The following KICS2 variants were observed in gnomAD, a reference collection of about 807,000 sequenced individuals.
KICS2 encodes KICSTOR complex protein C12orf66.
In KICS2, 13 loss-of-function variants were observed where a neutral mutation model predicts 31.4. The ratio of observed to expected loss-of-function variants is 0.41; its 90% CI spans 0.27 to 0.66. KICS2 has a LOEUF of 0.66. KICS2 is among the 30% of genes least tolerant of loss of function. The pLI, the probability that KICS2 is intolerant of heterozygous loss-of-function variation, is 0.28. For synonymous variants in KICS2, 209 were observed against 214.8 expected, an observed-to-expected ratio of 0.97 and a Z score of 0.24; for missense variants, 455 against 545.4, an observed-to-expected ratio of 0.83 and a Z score of 1.65.
rs992611026 is a variant in KICS2 at position 64,192,122 on chromosome 12, T to C, written c.*1720A>G. ...AAATAGGCCAGTAGATTCTTGGTTC[T>C]TCTTCTTCTTTTTTTTTTTTTGAGA... is the stretch of plus-strand genomic sequence containing the variant. On this transcript the variant is annotated 3_prime_UTR_variant, in exon 3 of 3. Transcript: ENST00000398055. 5.4e-5 allele frequency: 8 copies of C among 147,586 alleles called. No individual in the cohort carries two copies. Among genetic ancestry groups the C allele is most frequent in the African/African-American group, 2.1e-4 (8 of 38,234 alleles). The allele number at this position is 147,586 out of a possible 1,614,324, so 9.1% of individuals were successfully genotyped here.
At chr12:64,203,524 T>G (rs2037509673) in intron 2 of KICS2, among the ~76,000 whole-genome samples, 2 of 152,208 alleles carry the variant, frequency 1.3e-5, no homozygotes, top group African/African-American at 4.8e-5. Context: ...GAGCATATTA[T>G]ATGTTCCAGG....
chr12:64,210,876 C>A (rs2037576826), intron 2 of KICS2, among the ~76,000 whole-genome samples: 1 of 152,200 alleles, frequency 6.6e-6, no homozygotes, highest in Non-Finnish European at 1.5e-5. Flanking sequence ...TATGCACACA[C>A]ACATCAGTAA....
At chr12:64,187,682 A>T (rs1346869249), downstream of KICS2, 1 of 1,527,696 alleles carries the variant, frequency 6.5e-7, no homozygotes, top group African/African-American at 1.4e-5. Flanking sequence ...GGAATTGCTA[A>T]ATTAAATTAA....
At chr12:64,190,548 T>C (rs897912801), downstream of KICS2, among the ~76,000 whole-genome samples, 11 of 152,136 alleles carry the variant, frequency 7.2e-5, no homozygotes, top group Non-Finnish European at 1.3e-4. Flanking sequence ...GAGGATCACT[T>C]GAGCCCAGGA....
chr12:64,218,012 C>T (rs1480786406), intron 1 of KICS2, among the ~76,000 whole-genome samples: 2 of 152,158 alleles, frequency 1.3e-5, no homozygotes, highest in African/African-American at 4.8e-5. Context: ...GCATGTGGCC[C>T]GCAGGCCACA....
chr12:64,201,605 TAA>T (rs531373424), intron 2 of KICS2, among the ~76,000 whole-genome samples: 7 of 115,652 alleles, frequency 6.1e-5, no homozygotes, highest in Non-Finnish European at 1.0e-4. Flanking sequence ...TAAAGTATAA[TAA>T]AAAAAAAAAA....
intron 2 of KICS2, among the ~76,000 whole-genome samples, chr12:64,197,952 A>T (rs2037456633): frequency 7.3e-6 from 1 of 136,198 alleles, no homozygotes; most frequent in Admixed American, 7.4e-5. Flanking sequence ...TTCATAAAGC[A>T]AGTCCTGAGT....
At position 64,193,813 on chromosome 12, in the gene KICS2, T is replaced by C. The variant is rs1178067307; in HGVS notation, c.*29A>G. 1.2e-5 allele frequency: 19 copies of C among 1,585,486 alleles called. No individual in the cohort carries two copies. The highest frequency in any genetic ancestry group is 1.5e-5 in the Non-Finnish European group (17 of 1,166,686). On this transcript the variant is annotated 3_prime_UTR_variant, in exon 3 of 3. Transcript: ENST00000398055. Reference sequence around the variant, plus strand: ...TAGGGCAATTAAGAACAGTTTCTAGTCTTGAAACCCCTCCACGCAAATCAC... The same window carrying C: ...TAGGGCAATTAAGAACAGTTTCTAGCCTTGAAACCCCTCCACGCAAATCAC...
intron 2 of KICS2, 89 bp from the exon 3 acceptor site, chr12:64,194,747 C>T: frequency 6.9e-7 from 1 of 1,451,698 alleles, no homozygotes; most frequent in Non-Finnish European, 9.1e-7. Flanking sequence ...ACAAAATGGC[C>T]AAACATAATA....
rs547256369 is a variant in KICS2, at chr12:64,195,555, TATTA to T, written c.522-901_522-898del. On this transcript the variant is annotated intron_variant, in intron 2 of 2. Transcript: ENST00000398055. The stretch of plus-strand genomic sequence containing the variant: ...AATCCTGGTTCCCAAATTCCCTTCA[TATTA>T]ATTATAGTTAAAAACAAAATGGTGT... Among the ~76,000 whole-genome samples, 8 of 152,316 alleles carry T rather than the reference TATTA, an allele frequency of 5.3e-5. 1 individual carries two copies. In the South Asian group the frequency reaches 1.7e-3, roughly 32 times the overall value.
At chr12:64,194,787 G>A (rs1293262151) in intron 2 of KICS2, 129 bp from the exon 3 acceptor site, 1 of 1,163,716 alleles carries the variant, frequency 8.6e-7, no homozygotes, top group Non-Finnish European at 1.2e-6. Context: ...AAGAAAAGAT[G>A]GAGGAACTAC....
At chr12:64,216,899 A>G (rs1448379781) in intron 1 of KICS2, among the ~76,000 whole-genome samples, 1 of 151,794 alleles carries the variant, frequency 6.6e-6, no homozygotes, top group African/African-American at 2.4e-5. Flanking sequence ...ATGAAAAGAA[A>G]AAAAGAAACA....
At position 64,193,594 on chromosome 12, in the gene KICS2, T is replaced by C. The variant is rs2037402171; in HGVS notation, c.*248A>G. 2 of 1,231,300 alleles carry C rather than the reference T, an allele frequency of 1.6e-6. No homozygotes were observed. Among genetic ancestry groups the C allele is most frequent in the Non-Finnish European group, 2.0e-6 (2 of 986,800 alleles). The allele number at this position is 1,231,300 out of a possible 1,614,324, so 76.3% of individuals were successfully genotyped here. ...AGAAATATAGCAAAATAGGGGAAAA[T>C]ACTGAAACTACTTTGCTGTACCATG... On this transcript the variant is annotated 3_prime_UTR_variant, in exon 3 of 3. Transcript: ENST00000398055.
intron 1 of KICS2, among the ~76,000 whole-genome samples, chr12:64,219,406 CAAGAT>C (rs1269642373): frequency 2.6e-5 from 4 of 152,166 alleles, no homozygotes; most frequent in African/African-American, 9.6e-5. Context: ...GAGAAGGAAC[CAAGAT>C]AAGGGCCCTA....
chr12:64,194,422 T>G lies in KICS2; in HGVS notation c.758A>C (p.His253Pro), dbSNP rs762164607. 2 of 1,614,132 alleles carry G rather than the reference T, an allele frequency of 1.2e-6. No homozygotes were observed. The highest frequency in any genetic ancestry group is 1.7e-6 in the Non-Finnish European group (2 of 1,180,024). ...GAGTTTCATCAGCCAAAGGAAAAGG[T>G]GTGGAGGCTGCACGGCCTTCTGAGA... ...GQSQKAVQPP[H>P]LFLWLMKLKN... Residue 253 changes from histidine (H) to proline (P), a missense_variant, in exon 3 of 3, where the codon CAC becomes CCC. His to Pro is a moderately conservative substitution (Grantham distance 77). Transcript: ENST00000398055.
chr12:64,193,638 T>A lies in KICS2; in HGVS notation c.*204A>T, dbSNP rs1256274525. On this transcript the variant is annotated 3_prime_UTR_variant, in exon 3 of 3. Transcript: ENST00000398055. ...TACCATGGAGACACATGGTAGCCCA[T>A]GACCACTTCCTAGATTACTCTTTGG... 1.4e-6 allele frequency: 2 copies of A among 1,400,742 alleles called. No individual in the cohort carries two copies. The highest frequency in any genetic ancestry group is 1.8e-6 in the Non-Finnish European group (2 of 1,082,234). The allele number at this position is 1,400,742 out of a possible 1,614,324, so 86.8% of individuals were successfully genotyped here.
At chr12:64,197,074 C>T (rs1419455872) in intron 2 of KICS2, among the ~76,000 whole-genome samples, 51 of 93,304 alleles carry the variant, frequency 5.5e-4, no homozygotes, top group East Asian at 4.7e-3. Flanking sequence ...GGCAGGCCAA[C>T]GTTCAGATTC....
intron 2 of KICS2, among the ~76,000 whole-genome samples, chr12:64,213,747 C>A (rs4081966): frequency 6.6e-6 from 1 of 152,182 alleles, no homozygotes; most frequent in Admixed American, 6.6e-5. Context: ...ACTCGAAAAT[C>A]TGCTAGCAAC....
At chr12:64,195,945 G>A (rs538727013) in intron 2 of KICS2, among the ~76,000 whole-genome samples, 1 of 152,246 alleles carries the variant, frequency 6.6e-6, no homozygotes, top group South Asian at 2.1e-4. Context: ...GGCTTGGAGG[G>A]TCCTATGCCC....
Sources: allele counts gnomAD v4.1 joint callset (sites outside exome capture counted in the v4.1 genomes callset), GRCh38; gene constraint gnomAD v4.1.1; transcripts MANE v1.5; gene names NCBI Gene and HGNC (gene_info 2026-07-23, HGNC 2026-07-21).